Variants in TET1 observed in about 807,000 individuals in gnomAD.
TET1 encodes methylcytosine dioxygenase TET1.
Under a neutral mutation model 148.7 loss-of-function variants are expected in TET1, and 13 were observed. The observed-to-expected ratio is 0.09, with a 90% confidence interval of 0.06 to 0.14. TET1 has a LOEUF of 0.14. Among genes scored for constraint, TET1 ranks in the 10% least tolerant of loss-of-function variants. The pLI, the probability that TET1 is intolerant of heterozygous loss-of-function variation, is 1.00. For missense variants in TET1, 2,182 were observed against 2,553.8 expected, an observed-to-expected ratio of 0.85 and a Z score of 3.14; for synonymous variants, 907 against 937.2, an observed-to-expected ratio of 0.97 and a Z score of 0.59.
At chr10:68,593,686 C>T (rs2053945608) in intron 2 of TET1, among the ~76,000 whole-genome samples, 1 of 151,944 alleles carries the variant, frequency 6.6e-6, no homozygotes, top group Non-Finnish European at 1.5e-5. Context: ...GATCTCGGCT[C>T]ACTGCAACCT....
chr10:68,643,519 T>C (rs1176310688), intron 3 of TET1, among the ~76,000 whole-genome samples: 3 of 152,096 alleles, frequency 2.0e-5, no homozygotes, highest in Admixed American at 6.6e-5. Flanking sequence ...GAAAACAGTT[T>C]GTATCAAAAT....
chr10:68,639,615 T>C (rs1174226293), intron 3 of TET1, among the ~76,000 whole-genome samples: 1 of 152,052 alleles, frequency 6.6e-6, no homozygotes, highest in Non-Finnish European at 1.5e-5. Flanking sequence ...ACTATAGGCG[T>C]GCACCACCAC....
chr10:68,589,932 A>G (rs1177253738), intron 2 of TET1, among the ~76,000 whole-genome samples: 1 of 152,002 alleles, frequency 6.6e-6, no homozygotes, highest in Non-Finnish European at 1.5e-5. Context: ...TTGGCTTTCC[A>G]AAGTGCTGAG....
At chr10:68,584,663 C>T (rs566807459) in intron 2 of TET1, among the ~76,000 whole-genome samples, 8 of 151,102 alleles carry the variant, frequency 5.3e-5, no homozygotes, top group African/African-American at 1.7e-4. Flanking sequence ...GAGCTGAGAT[C>T]GCACCACTGC....
Position 68,658,690 on chromosome 10 carries a change from C to A in TET1, c.4461+6096C>A, listed in dbSNP as rs1029903040. ...CTTTTTCTCTGCTGTCACTTTGGAT[C>A]TTGTCAGAAACAAGTTATCTTGTTC... On this transcript the variant is annotated intron_variant, in intron 6 of 11. Transcript: ENST00000373644. Among the ~76,000 whole-genome samples, 55 of 152,014 alleles carry A rather than the reference C, an allele frequency of 3.6e-4. 1 individual carries two copies. Among genetic ancestry groups the A allele is most frequent in the African/African-American group, 1.3e-3 (53 of 41,374 alleles).
At chr10:68,597,326 G>A (rs117813489) in intron 2 of TET1, among the ~76,000 whole-genome samples, 1,989 of 152,144 alleles carry the variant, frequency 0.013, 136 homozygotes, top group Admixed American at 0.085. Context: ...GAGCTACCAC[G>A]CCCGGCTGAT....
In TET1 at chr10:68,686,611, A is replaced by T. The variant is rs1311387579; in HGVS notation, c.5308A>T (p.Ile1770Leu). ...GATGACAGAGGTTCTTGCACATAAG[A>T]TAAGGGCAGTGGAAAAGAAACCTAT... is the stretch of plus-strand genomic sequence containing the variant. ...AMMTEVLAHK[I>L]RAVEKKPIPR... Residue 1770 changes from isoleucine (I) to leucine (L), a missense_variant, in exon 11 of 12, where the codon ATA becomes TTA. Coordinates refer to ENST00000373644, the MANE Select transcript of TET1 (RefSeq NM_030625.3). 1.2e-6 allele frequency: 2 copies of T among 1,614,040 alleles called. No homozygotes were observed. Among genetic ancestry groups the T allele is most frequent in the Admixed American group, 1.7e-5 (1 of 59,992 alleles).
intron 6 of TET1, among the ~76,000 whole-genome samples, chr10:68,661,884 T>TTTC (rs1554809998): frequency 7.0e-6 from 1 of 143,664 alleles, no homozygotes; most frequent in Admixed American, 6.9e-5. Context: ...TTTTTTCTTT[T>TTTC]TTTTTTTTTT....
chr10:68,624,935 C>T (rs1031116566), intron 3 of TET1, among the ~76,000 whole-genome samples: 1 of 151,148 alleles, frequency 6.6e-6, no homozygotes, highest in African/African-American at 2.4e-5. Flanking sequence ...GGGGTTTCAC[C>T]GTGTTAGCCA....
chr10:68,644,412 C>A (rs2054808623), intron 3 of TET1, among the ~76,000 whole-genome samples: 1 of 152,170 alleles, frequency 6.6e-6, no homozygotes, highest in South Asian at 2.1e-4. Flanking sequence ...CACCATCTTG[C>A]TCAGGCTGGT....
intron 2 of TET1, among the ~76,000 whole-genome samples, chr10:68,579,540 G>A (rs1307961056): frequency 6.6e-6 from 1 of 152,196 alleles, no homozygotes; most frequent in Non-Finnish European, 1.5e-5. Flanking sequence ...AGCCACCAGG[G>A]AAATCAGGAA....
intron 8 of TET1, chr10:68,675,131 A>G: frequency 2.5e-6 from 1 of 407,766 alleles, no homozygotes; most frequent in South Asian, 2.4e-5. Flanking sequence ...AGTAGTGGCA[A>G]ATAAAAAGTC....
In TET1 at chr10:68,646,279, G is replaced by A; in HGVS notation, c.3550G>A (p.Gly1184Ser). The A allele has an allele frequency of 6.2e-7, 1 of 1,614,106 alleles. No homozygotes were observed. Among genetic ancestry groups the A allele is most frequent in the Non-Finnish European group, 8.5e-7 (1 of 1,180,034 alleles). ...GTGGGAAAAGTTGTCCTATATGTAT[G>A]GCACAATATGCGACATTTGGATAGC... ...QKWEKLSYMY[G>S]TICDIWIASK... Residue 1184 changes from glycine (G) to serine (S), a missense_variant, in exon 4 of 12, where the codon GGC becomes AGC. Coordinates refer to ENST00000373644, the MANE Select transcript of TET1 (RefSeq NM_030625.3).
At chr10:68,662,256 G>T (rs186826431) in intron 6 of TET1, among the ~76,000 whole-genome samples, 1 of 151,968 alleles carries the variant, frequency 6.6e-6, no homozygotes. Flanking sequence ...TGATCCACCC[G>T]CCTTGACCTC....
chr10:68,596,486 G>A (rs576929579), intron 2 of TET1, among the ~76,000 whole-genome samples: 7 of 151,976 alleles, frequency 4.6e-5, no homozygotes, highest in Admixed American at 1.3e-4. Context: ...ATGTGTCTCC[G>A]CTATGTAGCT....
intron 3 of TET1, among the ~76,000 whole-genome samples, chr10:68,623,402 A>G (rs1055127942): frequency 1.3e-5 from 2 of 152,238 alleles, no homozygotes; most frequent in Non-Finnish European, 2.9e-5. Context: ...GATAGAAGGG[A>G]GGAGGAAACA....
intron 4 of TET1, among the ~76,000 whole-genome samples, chr10:68,648,259 A>G (rs2054881025): frequency 6.6e-6 from 1 of 152,154 alleles, no homozygotes; most frequent in Non-Finnish European, 1.5e-5. Context: ...CTTATGAGAA[A>G]TTTCCTCAGT....
chr10:68,674,752 C>A, intron 8 of TET1: 1 of 490,490 alleles, frequency 2.0e-6, no homozygotes, highest in Non-Finnish European at 4.0e-6. Flanking sequence ...CTAAAAAATG[C>A]AACAATCAGA....
intron 10 of TET1, 96 bp from the exon 11 acceptor site, chr10:68,686,260 C>T (rs1170889134): frequency 3.8e-6 from 4 of 1,053,036 alleles, no homozygotes; most frequent in East Asian, 2.4e-5. Context: ...GAATACAAAT[C>T]TCTTTCCCAA....
Sources: allele counts gnomAD v4.1 joint callset (sites outside exome capture counted in the v4.1 genomes callset), GRCh38; gene constraint gnomAD v4.1.1; transcripts MANE v1.5; gene names NCBI Gene and HGNC (gene_info 2026-07-23, HGNC 2026-07-21).